The following NRXN1 variants were observed in gnomAD, a reference collection of about 807,000 sequenced individuals.
The protein encoded by NRXN1 is neurexin-1.
Under a neutral mutation model 150.9 loss-of-function variants are expected in NRXN1, and 39 were observed. That is an observed-to-expected ratio of 0.26 (90% CI 0.20 to 0.34). The LOEUF is 0.34. NRXN1 is among the 10% of genes least tolerant of loss of function. The pLI is 1.00. For synonymous variants in NRXN1, 924 were observed against 757.0 expected, an observed-to-expected ratio of 1.22 and a Z score of -3.62; for missense variants, 1,815 against 1,949.9, an observed-to-expected ratio of 0.93 and a Z score of 1.30.
chr2:50,286,253 G>C (rs1045504578), intron 17 of NRXN1, among the ~76,000 whole-genome samples: 1 of 151,930 alleles, frequency 6.6e-6, no homozygotes, highest in African/African-American at 2.4e-5. Flanking sequence ...ACTGAAATTT[G>C]GTAGTCTTTG....
chr2:50,941,140 T>C (rs1201673965), intron 2 of NRXN1, among the ~76,000 whole-genome samples: 1 of 152,116 alleles, frequency 6.6e-6, no homozygotes, highest in African/African-American at 2.4e-5. Context: ...ATGCAAGATA[T>C]GCCTTGCTTT....
rs1187949960 is a variant in NRXN1 at position 50,117,701 on chromosome 2, A to C, written c.3547-26207T>G. ...AACTGACTAGTGTGTATGTCTTTAC[A>C]CAGCCATAGAAGAGTTTCAATGAGT... is the stretch of plus-strand genomic sequence containing the variant. On this transcript the variant is annotated intron_variant, in intron 18 of 22. Transcript: ENST00000401669. Among the ~76,000 whole-genome samples, 6 of 152,068 alleles carry C rather than the reference A, an allele frequency of 3.9e-5. No homozygotes were observed. The East Asian group carries it at 1.2e-3, about 29-fold the overall frequency.
intron 2 of NRXN1, among the ~76,000 whole-genome samples, chr2:50,956,883 T>C (rs1692370808): frequency 1.3e-5 from 2 of 152,118 alleles, no homozygotes; most frequent in South Asian, 2.1e-4. Context: ...CCAGTTTACA[T>C]ACACGGAAGC....
At chr2:50,176,959 G>C (rs542234212) in intron 18 of NRXN1, among the ~76,000 whole-genome samples, 8 of 152,028 alleles carry the variant, frequency 5.3e-5, no homozygotes, top group Admixed American at 2.0e-4. Context: ...AGTAAACCGA[G>C]TTTCTGTTCT....
At chr2:50,085,909 T>G (rs952265845) in intron 19 of NRXN1, among the ~76,000 whole-genome samples, 2 of 152,106 alleles carry the variant, frequency 1.3e-5, no homozygotes, top group Non-Finnish European at 2.9e-5. Context: ...TCTTTGTATA[T>G]TTTACTTTAT....
intron 5 of NRXN1, among the ~76,000 whole-genome samples, chr2:50,816,557 C>A (rs1158212815): frequency 1.3e-5 from 2 of 152,028 alleles, no homozygotes; most frequent in African/African-American, 4.8e-5. Context: ...ATTTATCTTG[C>A]GTTATGCTTT....
At chr2:50,905,816 C>T (rs1008437182) in intron 5 of NRXN1, among the ~76,000 whole-genome samples, 2 of 152,076 alleles carry the variant, frequency 1.3e-5, no homozygotes, top group Non-Finnish European at 2.9e-5. Flanking sequence ...ATAGAATTTA[C>T]ACATAGAGTT....
At chr2:50,945,427 G>A (rs920192762) in intron 2 of NRXN1, among the ~76,000 whole-genome samples, 13 of 151,970 alleles carry the variant, frequency 8.6e-5, no homozygotes, top group Non-Finnish European at 1.9e-4. Flanking sequence ...TCGTGCCAGT[G>A]ATTTCCAGCC....
At chr2:50,767,888 C>T (rs1182974936) in intron 5 of NRXN1, among the ~76,000 whole-genome samples, 3 of 151,980 alleles carry the variant, frequency 2.0e-5, no homozygotes, top group Admixed American at 2.0e-4. Flanking sequence ...ATGTTTGTTT[C>T]ATTATAAACT....
intron 5 of NRXN1, among the ~76,000 whole-genome samples, chr2:50,641,744 A>G (rs1684110561): frequency 6.6e-6 from 1 of 152,076 alleles, no homozygotes; most frequent in African/African-American, 2.4e-5. Context: ...TCAGCAGAAA[A>G]GATCTGCTGT....
At chr2:50,364,178 A>G (rs1185277896) in intron 17 of NRXN1, among the ~76,000 whole-genome samples, 2 of 152,154 alleles carry the variant, frequency 1.3e-5, no homozygotes, top group Non-Finnish European at 2.9e-5. Flanking sequence ...ACCATGGCAC[A>G]TGTTTACCCA....
At chr2:50,918,341 GA>G in intron 5 of NRXN1, 1 of 255,724 alleles carries the variant, frequency 3.9e-6, no homozygotes, top group Non-Finnish European at 7.4e-6. Flanking sequence ...GATACAATAA[GA>G]AAAATGTTCT....
chr2:51,007,071 T>C (rs1667126498), intron 2 of NRXN1, among the ~76,000 whole-genome samples: 1 of 152,020 alleles, frequency 6.6e-6, no homozygotes, highest in African/African-American at 2.4e-5. Flanking sequence ...TTAAAAGTCA[T>C]AAATGTTAAA....
At chr2:50,635,514 C>T (rs1396152574) in intron 5 of NRXN1, among the ~76,000 whole-genome samples, 1 of 152,008 alleles carries the variant, frequency 6.6e-6, no homozygotes, top group Non-Finnish European at 1.5e-5. Flanking sequence ...CCTGCCAGTC[C>T]TCTTCTTCCC....
intron 5 of NRXN1, among the ~76,000 whole-genome samples, chr2:50,720,845 C>A (rs1371652043): frequency 1.3e-5 from 2 of 152,134 alleles, no homozygotes; most frequent in Non-Finnish European, 2.9e-5. Context: ...TTCCCTCTCC[C>A]ACCCCATCAC....
At chr2:50,042,833 A>G (rs957710757) in intron 21 of NRXN1, among the ~76,000 whole-genome samples, 1 of 152,194 alleles carries the variant, frequency 6.6e-6, no homozygotes, top group African/African-American at 2.4e-5. Context: ...CTATGAAAAC[A>G]GGAAACAGGT....
chr2:50,913,318 T>C (rs1452465488), intron 5 of NRXN1, among the ~76,000 whole-genome samples: 1 of 151,718 alleles, frequency 6.6e-6, no homozygotes, highest in Non-Finnish European at 1.5e-5. Flanking sequence ...AATTTAGGGA[T>C]TTCCATCCCT....
intron 5 of NRXN1, among the ~76,000 whole-genome samples, chr2:50,901,612 CAA>C (rs949523993): frequency 3.9e-5 from 6 of 152,040 alleles, no homozygotes; most frequent in African/African-American, 1.4e-4. Flanking sequence ...CGTTCTGGTA[CAA>C]AGTTATATAC....
At chr2:50,037,634 G>T (rs1350671811) in intron 21 of NRXN1, among the ~76,000 whole-genome samples, 4 of 152,196 alleles carry the variant, frequency 2.6e-5, no homozygotes, top group Non-Finnish European at 5.9e-5. Flanking sequence ...CCAACCATCA[G>T]AAGTGAATGA....
Sources: gnomAD v4.1 joint callset for allele counts (sites outside exome capture counted in the v4.1 genomes callset) on GRCh38, gnomAD v4.1.1 for gene constraint, MANE v1.5 for transcripts, NCBI Gene and HGNC (gene_info 2026-07-23, HGNC 2026-07-21) for gene names.